DOCK3: variants seen among roughly 807,000 people sequenced by gnomAD.
DOCK3 encodes dedicator of cytokinesis protein 3.
In DOCK3, 60 loss-of-function variants were observed where a neutral mutation model predicts 265.6. That is an observed-to-expected ratio of 0.23 (90% CI 0.18 to 0.28). The LOEUF (loss-of-function observed/expected upper bound fraction) is 0.28. Ranked by LOEUF, DOCK3 falls within the 10% of genes least tolerant of loss-of-function variation. DOCK3 has a pLI of 1.00. For missense variants in DOCK3, 1,981 were observed against 2,594.3 expected (o/e 0.76, Z 5.14); for synonymous variants, 881 against 938.0 (o/e 0.94, Z 1.11).
In DOCK3 at chr3:51,053,875, G is replaced by C. The variant is rs1017157179; in HGVS notation, c.316-10573G>C. Among the ~76,000 whole-genome samples the C allele has an allele frequency of 3.3e-5, 5 of 151,932 alleles. No individual in the cohort carries two copies. The South Asian group carries it at 1.0e-3, about 32-fold the overall frequency. On this transcript the variant is annotated intron_variant, in intron 5 of 52. Transcript: ENST00000266037. ...CTTTTTAATTTGCTTTATTTCCTTT[G>C]TTTTCTATGTTTCAATCTTTTGGCA...
rs138349558 is a variant in DOCK3 at position 50,699,028 on chromosome 3, G to A, written c.37+23728G>A. ...TTCTTTTGTTGTCAGTGCCGTTGGCGTATCAAGGAAATCAGGGCTAAATCC... is the reference window on the plus strand; with the variant it reads ...TTCTTTTGTTGTCAGTGCCGTTGGCATATCAAGGAAATCAGGGCTAAATCC... On this transcript the variant is annotated intron_variant, in intron 1 of 52. Transcript: ENST00000266037. Among the ~76,000 whole-genome samples the A allele has an allele frequency of 5.3e-5, 8 of 152,262 alleles. 1 individual carries two copies. In the East Asian group the frequency reaches 1.3e-3, roughly 26 times the overall value.
chr3:50,921,481 C>T (rs925907625), intron 4 of DOCK3, among the ~76,000 whole-genome samples: 6 of 152,122 alleles, frequency 3.9e-5, no homozygotes, highest in East Asian at 3.9e-4. Flanking sequence ...AGCTTCTTTG[C>T]GATGCGTTTG....
At chr3:50,863,639 G>A (rs933349311) in intron 3 of DOCK3, among the ~76,000 whole-genome samples, 1 of 152,040 alleles carries the variant, frequency 6.6e-6, no homozygotes, top group African/African-American at 2.4e-5. Context: ...GGATTTGTCC[G>A]TTCACCAGTA....
intron 5 of DOCK3, among the ~76,000 whole-genome samples, chr3:51,059,582 C>T (rs1375986772): frequency 6.6e-6 from 1 of 151,988 alleles, no homozygotes; most frequent in Admixed American, 6.6e-5. Context: ...TTCAAGTTAC[C>T]ACTCCGTAAG....
intron 19 of DOCK3, among the ~76,000 whole-genome samples, chr3:51,229,877 T>C (rs2090474250): frequency 6.6e-6 from 1 of 152,218 alleles, no homozygotes; most frequent in African/African-American, 2.4e-5. Context: ...GTAGAATGAT[T>C]GCAGAATGAC....
chr3:50,764,626 G>T (rs1300893651), intron 1 of DOCK3, among the ~76,000 whole-genome samples: 1 of 152,034 alleles, frequency 6.6e-6, no homozygotes, highest in Non-Finnish European at 1.5e-5. Context: ...TGAAAAAATT[G>T]AATTTCATAA....
chr3:50,680,209 TTC>T (rs2034289002), intron 1 of DOCK3, among the ~76,000 whole-genome samples: 1 of 149,782 alleles, frequency 6.7e-6, no homozygotes, highest in South Asian at 2.1e-4. Context: ...TTTTTTCTTT[TTC>T]TTTCTTTTTT....
chr3:50,785,398 T>C (rs1043013948), intron 2 of DOCK3, among the ~76,000 whole-genome samples: 2 of 152,216 alleles, frequency 1.3e-5, no homozygotes, highest in African/African-American at 4.8e-5. Context: ...CTTGTTCCAG[T>C]TCTCAGGTGG....
At chr3:51,201,105 A>C (rs1320118590) in intron 12 of DOCK3, among the ~76,000 whole-genome samples, 1 of 151,858 alleles carries the variant, frequency 6.6e-6, no homozygotes, top group Non-Finnish European at 1.5e-5. Context: ...ACTAGGAAGA[A>C]ACTGCATCAA....
intron 51 of DOCK3, chr3:51,379,331 C>T: frequency 1.1e-6 from 1 of 951,604 alleles, no homozygotes; most frequent in African/African-American, 1.8e-5. Context: ...CAGGTGCTGG[C>T]ATGCCCCACA....
intron 5 of DOCK3, among the ~76,000 whole-genome samples, chr3:51,055,714 G>C (rs2081174619): frequency 6.6e-6 from 1 of 152,042 alleles, no homozygotes; most frequent in Non-Finnish European, 1.5e-5. Context: ...ATCCGTGAAT[G>C]GATGACTTCA....
At chr3:51,028,357 T>A (rs1375639496) in intron 5 of DOCK3, among the ~76,000 whole-genome samples, 1 of 151,670 alleles carries the variant, frequency 6.6e-6, no homozygotes, top group Non-Finnish European at 1.5e-5. Context: ...GTTTTAAGAT[T>A]TTTTTTTTCA....
At chr3:51,160,289 T>C (rs1220327922) in intron 11 of DOCK3, among the ~76,000 whole-genome samples, 2 of 152,240 alleles carry the variant, frequency 1.3e-5, no homozygotes, top group Non-Finnish European at 2.9e-5. Context: ...TTTATTCTCA[T>C]GTGATTAATA....
chr3:51,346,809 T>G (rs2085616105), intron 38 of DOCK3, among the ~76,000 whole-genome samples: 1 of 152,260 alleles, frequency 6.6e-6, no homozygotes, highest in African/African-American at 2.4e-5. Context: ...TGTTGTTTCC[T>G]GACTTTTTAA....
At chr3:50,768,830 T>A (rs1270029686) in intron 1 of DOCK3, among the ~76,000 whole-genome samples, 1 of 152,186 alleles carries the variant, frequency 6.6e-6, no homozygotes, top group Non-Finnish European at 1.5e-5. Context: ...AGAACCTCCA[T>A]CCCGTTGTCC....
intron 12 of DOCK3, among the ~76,000 whole-genome samples, chr3:51,192,726 C>T (rs1279760788): frequency 4.6e-5 from 7 of 152,010 alleles, no homozygotes; most frequent in Admixed American, 4.6e-4. Flanking sequence ...TGGCCAGAAC[C>T]AGGGGCAAAT....
chr3:50,936,366 G>A (rs1024787755), intron 5 of DOCK3, among the ~76,000 whole-genome samples: 2 of 151,196 alleles, frequency 1.3e-5, no homozygotes, highest in East Asian at 3.9e-4. Context: ...AGGACAGGAT[G>A]TGGAGCCAAA....
At chr3:51,106,442 G>A (rs998189742) in intron 9 of DOCK3, among the ~76,000 whole-genome samples, 3 of 152,156 alleles carry the variant, frequency 2.0e-5, no homozygotes, top group South Asian at 2.1e-4. Flanking sequence ...CACCATGGCC[G>A]CTCTCTATAT....
At chr3:50,967,824 CAT>C (rs1414210627) in intron 5 of DOCK3, among the ~76,000 whole-genome samples, 2 of 152,166 alleles carry the variant, frequency 1.3e-5, no homozygotes, top group Non-Finnish European at 2.9e-5. Context: ...CCTCCCATGA[CAT>C]GTGGGGATTA....
Sources: allele counts gnomAD v4.1 joint callset (sites outside exome capture counted in the v4.1 genomes callset), GRCh38; gene constraint gnomAD v4.1.1; transcripts MANE v1.5; gene names NCBI Gene and HGNC (gene_info 2026-07-23, HGNC 2026-07-21).